The following HSPG2 variants were observed in gnomAD, a reference collection of about 807,000 sequenced individuals.
The protein encoded by HSPG2 is basement membrane-specific heparan sulfate proteoglycan core protein.
In HSPG2, 278 loss-of-function variants were observed where a neutral mutation model predicts 526.6. The observed-to-expected ratio is 0.53, with a 90% CI of 0.48 to 0.58. HSPG2 has a LOEUF of 0.58. Ranked by LOEUF, HSPG2 falls within the 20% of genes least tolerant of loss-of-function variation. The probability of loss-of-function intolerance (pLI) is 0.00; values close to 1 mark genes in which losing one functional copy is unlikely to be tolerated. For synonymous variants in HSPG2, 2,465 were observed against 2,555.4 expected, an observed-to-expected ratio of 0.96 and a Z score of 1.07; for missense variants, 5,354 against 6,099.5, an observed-to-expected ratio of 0.88 and a Z score of 4.07.
At position 21,900,125 on chromosome 1, in the gene HSPG2, C is replaced by T. The variant is rs541256125; in HGVS notation, c.64-3815G>A. On this transcript the variant is annotated intron_variant, in intron 1 of 96. Coordinates refer to ENST00000374695, the MANE Select transcript of HSPG2 (RefSeq NM_005529.7). ...GAGCCCGGCTTCCTCCCAGAGGAAC[C>T]CAGCACTTCAGGCATGTGTTGGAGC... 2.0e-4 allele frequency among the ~76,000 whole-genome samples: 30 copies of T among 152,332 alleles called. No individual in the cohort carries two copies. The South Asian group carries it at 6.2e-3, about 32-fold the overall frequency.
intron 21 of HSPG2, 94 bp downstream of exon 21, chr1:21,878,092 A>G (rs1641220770): frequency 8.5e-7 from 1 of 1,181,160 alleles, no homozygotes; most frequent in East Asian, 2.5e-5. Flanking sequence ...CCACTGGCCA[A>G]GGATCTATGG....
At position 21,925,210 on chromosome 1, in the gene HSPG2, G is replaced by A. The variant is rs573296129; in HGVS notation, c.63+11945C>T. 3.3e-3 allele frequency among the ~76,000 whole-genome samples: 509 copies of A among 152,354 alleles called. 2 individuals carry two copies. The highest frequency in any genetic ancestry group is 5.1e-3 in the Non-Finnish European group (347 of 68,036). On this transcript the variant is annotated intron_variant, in intron 1 of 96. Transcript: ENST00000374695. ...ATAACACAGATCAAACAATGAGCGC[G>A]ATGTCAGGCGCACAGCAGGTCCTCA...
rs751609862 is a variant in HSPG2 at position 21,880,103 on chromosome 1, T to G, written c.2343+4A>C. The G allele has an allele frequency of 6.2e-7, 1 of 1,614,098 alleles. No homozygotes were observed. The highest frequency in any genetic ancestry group is 1.7e-5 in the Admixed American group (1 of 60,026). On this transcript the variant is annotated splice_donor_region_variant and intron_variant, in intron 17 of 96. Coordinates refer to ENST00000374695, the MANE Select transcript of HSPG2 (RefSeq NM_005529.7). ...GTGTTCAAGTGTCTGCTGGCACTACTCACCAGGCAGTGGCCATACACAGGG... is the reference window on the plus strand; with the variant it reads ...GTGTTCAAGTGTCTGCTGGCACTACGCACCAGGCAGTGGCCATACACAGGG...
At position 21,841,115 on chromosome 1, in the gene HSPG2, G is replaced by A. The variant is rs2152705065; in HGVS notation, c.9499C>T (p.His3167Tyr). Residue 3167 changes from histidine to tyrosine, a missense_variant, in exon 71 of 97, where the codon CAC becomes TAC. By Grantham distance (83) the His-to-Tyr change is moderately conservative. Coordinates refer to ENST00000374695, the MANE Select transcript of HSPG2 (RefSeq NM_005529.7). The stretch of plus-strand genomic sequence containing the variant: ...CCCGGCTTCACCTGCAGCACCGCGT[G>A]GCTGTCCATGAGCCCATATGTCCGC... ...EQRTYGLMDS[H>Y]AVLQISSAKP... The A allele has an allele frequency of 1.9e-6, 3 of 1,610,740 alleles. No individual in the cohort carries two copies. Among genetic ancestry groups the A allele is most frequent in the Non-Finnish European group, 2.5e-6 (3 of 1,178,922 alleles).
intron 6 of HSPG2, chr1:21,888,651 C>T (rs1157527498): frequency 7.3e-6 from 10 of 1,362,506 alleles, no homozygotes; most frequent in Non-Finnish European, 9.8e-6. Context: ...GGGCCTCGGC[C>T]TGGCTTACAC....
At position 21,893,846 on chromosome 1, in the gene HSPG2, A is replaced by G. The variant is rs1642548927; in HGVS notation, c.244+2076T>C. Among the ~76,000 whole-genome samples the G allele has an allele frequency of 6.6e-6, 1 of 151,714 alleles. No individual in the cohort carries two copies. Reference sequence around the variant, plus strand: ...AGAATGAGAGAGAAAAGGTAAGACAAAGGTGAAGAAAAAGGCAGAGGGAAA... The same window carrying G: ...AGAATGAGAGAGAAAAGGTAAGACAGAGGTGAAGAAAAAGGCAGAGGGAAA... On this transcript the variant is annotated intron_variant, in intron 3 of 96. Coordinates refer to ENST00000374695, the MANE Select transcript of HSPG2 (RefSeq NM_005529.7). The surrounding 1 kb of genome is among the most constrained non-coding windows in gnomAD (Gnocchi z 4.3).
chr1:21,850,371 G>A lies in HSPG2; in HGVS notation c.7286C>T (p.Ser2429Leu). 2 of 1,607,314 alleles carry A rather than the reference G, an allele frequency of 1.2e-6. No homozygotes were observed. Among genetic ancestry groups the A allele is most frequent in the Non-Finnish European group, 1.7e-6 (2 of 1,177,214 alleles). The change falls in exon 56 of 97, where the codon TCA becomes TTA. Residue 2429 changes from serine (S) to leucine (L), a missense_variant. Physicochemically the swap from Ser to Leu is moderately radical, Grantham distance 145. Coordinates refer to ENST00000374695, the MANE Select transcript of HSPG2 (RefSeq NM_005529.7). ...CCCTGAGAGCTACTCACCAGGCACTGAGCCCGCAGGCTCAATGGTGACCAG... is the reference window on the plus strand; with the variant it reads ...CCCTGAGAGCTACTCACCAGGCACTAAGCCCGCAGGCTCAATGGTGACCAG... Reference protein sequence around the residue: ...SVLVTIEPAGSVPALGVTPTV... With the variant: ...SVLVTIEPAGLVPALGVTPTV...
Position 21,886,121 on chromosome 1 carries a change from G to A in HSPG2, c.1079-670C>T, listed in dbSNP as rs560239690. Among the ~76,000 whole-genome samples, 17 of 152,376 alleles carry A rather than the reference G, an allele frequency of 1.1e-4. 1 individual carries two copies. In the South Asian group the frequency reaches 3.5e-3, roughly 32 times the overall value. On this transcript the variant is annotated intron_variant, in intron 9 of 96. Transcript: ENST00000374695. ...AGGAGACCAGGAGGTAGCCGTGGGC[G>A]CAGCTCAGGCGCTTCTGTTCCCCAC...
rs768542486 is a variant in HSPG2 at position 21,841,660 on chromosome 1, G to A, written c.9207C>T (p.Ile3069=). Residue 3069 remains isoleucine, a synonymous_variant, in exon 70 of 97, where the codon ATC becomes ATT. Coordinates refer to ENST00000374695, the MANE Select transcript of HSPG2 (RefSeq NM_005529.7). ...RNQELEDNVH[I]SPNGSIITIV... ...TGGTGATGATGGAGCCATTGGGACT[G>A]ATGTGGACGTTGTCTGTGAGGTTGC... 3 of 1,614,214 alleles carry A rather than the reference G, an allele frequency of 1.9e-6. No homozygotes were observed. Among genetic ancestry groups the A allele is most frequent in the Non-Finnish European group, 2.5e-6 (3 of 1,180,026 alleles).
chr1:21,847,651 C>G lies in HSPG2; in HGVS notation c.8025+38G>C. 1 of 1,600,792 alleles carries G rather than the reference C, an allele frequency of 6.2e-7. No homozygotes were observed. The highest frequency in any genetic ancestry group is 1.1e-5 in the South Asian group (1 of 89,736). Reference sequence around the variant, plus strand: ...GCCTGCTCTGCTCACCCCAGGAGACCATGGTTCCACCCCCGCTGCTGTGGC... The same window carrying G: ...GCCTGCTCTGCTCACCCCAGGAGACGATGGTTCCACCCCCGCTGCTGTGGC... On this transcript the variant is annotated intron_variant, in intron 61 of 96. Coordinates refer to ENST00000374695, the MANE Select transcript of HSPG2 (RefSeq NM_005529.7). The surrounding 1 kb of genome is among the most constrained non-coding windows in gnomAD (Gnocchi z 4.1).
chr1:21,844,318 G>T lies in HSPG2; in HGVS notation c.8465-19C>A. 1.9e-6 allele frequency: 3 copies of T among 1,605,232 alleles called. No individual in the cohort carries two copies. Among genetic ancestry groups the T allele is most frequent in the Non-Finnish European group, 2.6e-6 (3 of 1,173,684 alleles). On this transcript the variant is annotated intron_variant, in intron 64 of 96. Coordinates refer to ENST00000374695, the MANE Select transcript of HSPG2 (RefSeq NM_005529.7). Reference sequence around the variant, plus strand: ...CCTGGGGCTGGGGCACAGGGGAGAGGTCAGTGAGCTGAGATGCCACCCTGA... The same window carrying T: ...CCTGGGGCTGGGGCACAGGGGAGAGTTCAGTGAGCTGAGATGCCACCCTGA...
chr1:21,823,539 C>T (rs748327779), intron 96 of HSPG2, 51 bp from the exon 97 acceptor site: 35 of 1,610,024 alleles, frequency 2.2e-5, no homozygotes, highest in Middle Eastern at 3.3e-4. Flanking sequence ...GCCCAGGAGG[C>T]GAGGAAGGCT....
At chr1:21,920,832 T>C (rs1334145929) in intron 1 of HSPG2, among the ~76,000 whole-genome samples, 1 of 152,170 alleles carries the variant, frequency 6.6e-6, no homozygotes, top group African/African-American at 2.4e-5. Flanking sequence ...CTGAGAGGTC[T>C]GAGGTGGGCC....
In HSPG2 at chr1:21,822,450, C is replaced by A; in HGVS notation, c.*866G>T. 2 of 566,686 alleles carry A rather than the reference C, an allele frequency of 3.5e-6. No individual in the cohort carries two copies. The highest frequency in any genetic ancestry group is 3.8e-5 in the African/African-American group (2 of 53,262). The allele number at this position is 566,686 out of a possible 1,614,324, so 35.1% of individuals were successfully genotyped here. On this transcript the variant is annotated 3_prime_UTR_variant, in exon 97 of 97. Coordinates refer to ENST00000374695, the MANE Select transcript of HSPG2 (RefSeq NM_005529.7). Reference sequence around the variant, plus strand: ...CTCTCAGTCGTGAGTCCTGCCTTCCCCCACCTAAGGCACTAGCTCTTCCTG... The same window carrying A: ...CTCTCAGTCGTGAGTCCTGCCTTCCACCACCTAAGGCACTAGCTCTTCCTG...
At chr1:21,844,918 T>C (rs942024508) in intron 64 of HSPG2, among the ~76,000 whole-genome samples, 1 of 152,210 alleles carries the variant, frequency 6.6e-6, no homozygotes, top group East Asian at 1.9e-4. Flanking sequence ...TATTAATTAC[T>C]GGACATTTTC....
rs550403599 is a variant in HSPG2, at chr1:21,898,460, C to A, written c.64-2150G>T. ...GCGCATTCAGGAGTGTGCTTTAGAA[C>A]GTCCAGGAGCTGGTGAGAAATGCAG... On this transcript the variant is annotated intron_variant, in intron 1 of 96. Coordinates refer to ENST00000374695, the MANE Select transcript of HSPG2 (RefSeq NM_005529.7). The surrounding 1 kb of genome is among the most constrained non-coding windows in gnomAD (Gnocchi z 4.0). Among the ~76,000 whole-genome samples, 2 of 152,348 alleles carry A rather than the reference C, an allele frequency of 1.3e-5. No individual in the cohort carries two copies. Among genetic ancestry groups the A allele is most frequent in the East Asian group, 3.9e-4 (2 of 5,188 alleles).
In HSPG2 at chr1:21,846,362, G is replaced by A. The variant is rs115561995; in HGVS notation, c.8316+86C>T. ...GACACAGGGGGGTACTGCACCCCAC[G>A]GGGGCTCCTAGGTCTCCCTCTTGGC... On this transcript the variant is annotated intron_variant, in intron 63 of 96. Transcript: ENST00000374695. The A allele has an allele frequency of 1.6e-3, 2,616 of 1,605,938 alleles. 41 individuals are homozygous for A. The African/African-American group carries it at 0.031, about 19-fold the overall frequency.
At chr1:21,869,376 T>G in intron 33 of HSPG2, 1 of 875,064 alleles carries the variant, frequency 1.1e-6, no homozygotes, top group African/African-American at 1.8e-5. Context: ...TCCAAGTAGT[T>G]CACAGAAATT....
chr1:21,852,943 CCCA>C lies in HSPG2; in HGVS notation c.6564_6566del (p.Gly2190del). On this transcript the variant is annotated inframe_deletion, in exon 51 of 97. Coordinates refer to ENST00000374695, the MANE Select transcript of HSPG2 (RefSeq NM_005529.7). ...CCTGGTGCCGGGCAGGGAGGCTGCC[CCCA>C]CGCTTGTGCCACGTGACCTGGGCGT... 1.9e-6 allele frequency: 3 copies of C among 1,613,348 alleles called. No homozygotes were observed. The highest frequency in any genetic ancestry group is 3.3e-4 in the Middle Eastern group (2 of 5,998).
Sources: gnomAD v4.1 joint callset for allele counts (sites outside exome capture counted in the v4.1 genomes callset) on GRCh38, gnomAD v4.1.1 for gene constraint, Gnocchi (gnomAD v3.1) non-coding constraint, MANE v1.5 for transcripts, NCBI Gene and HGNC (gene_info 2026-07-23, HGNC 2026-07-21) for gene names.